ANO1: variants seen among roughly 807,000 people sequenced by gnomAD.
ANO1 encodes the protein anoctamin-1.
In ANO1, 59 loss-of-function variants were observed where a neutral mutation model predicts 124.0. The observed-to-expected ratio is 0.48, with a 90% confidence interval of 0.39 to 0.59. The LOEUF is 0.59. ANO1 is among the 20% of genes least tolerant of loss of function. The pLI is 0.00. For synonymous variants in ANO1, 529 were observed against 532.0 expected, an observed-to-expected ratio of 0.99 and a Z score of 0.08; for missense variants, 1,059 against 1,328.0, an observed-to-expected ratio of 0.80 and a Z score of 3.15.
chr11:70,133,813 C>T (rs1251665212), intron 11 of ANO1, among the ~76,000 whole-genome samples: 1 of 152,182 alleles, frequency 6.6e-6, no homozygotes, highest in African/African-American at 2.4e-5. Context: ...GTGTGCACAG[C>T]AGAGCCGAGG....
At position 70,095,338 on chromosome 11, in the gene ANO1, G is replaced by GAA. The variant is rs1451764874; in HGVS notation, c.441+7255_441+7256insAA. Among the ~76,000 whole-genome samples, 653 of 101,252 alleles carry GAA rather than the reference G, an allele frequency of 6.4e-3. 43 individuals carry two copies. Among genetic ancestry groups the GAA allele is most frequent in the African/African-American group, 0.016 (418 of 25,866 alleles). 66.4% of individuals were successfully genotyped at this position (101,252 alleles called of 152,430 possible). On this transcript the variant is annotated intron_variant, in intron 2 of 25. Coordinates refer to ENST00000355303, the MANE Select transcript of ANO1 (RefSeq NM_018043.7). ...AAAGAAAGGAAAGAAAGAAAGGAAAGAGAAAGAAAAAGAAAGAAAGAAAGA... is the reference window on the plus strand; with the variant it reads ...AAAGAAAGGAAAGAAAGAAAGGAAAGAAAGAAAGAAAAAGAAAGAAAGAAAGA...
chr11:69,989,538 G>A (rs1376415410), intron 1 of ANO1, among the ~76,000 whole-genome samples: 3 of 152,080 alleles, frequency 2.0e-5, no homozygotes, highest in Non-Finnish European at 4.4e-5. Context: ...TATGGAAGGT[G>A]TGGAGCCAGT....
At chr11:69,999,840 G>A (rs977034694) in intron 1 of ANO1, among the ~76,000 whole-genome samples, 2 of 152,286 alleles carry the variant, frequency 1.3e-5, no homozygotes, top group East Asian at 3.9e-4. Context: ...TTTTGTGAAT[G>A]TGGAGGCATT....
intron 6 of ANO1, 148 bp downstream of exon 6, chr11:70,108,552 C>A: frequency 1.1e-6 from 1 of 879,038 alleles, no homozygotes; most frequent in Non-Finnish European, 1.8e-6. Flanking sequence ...GACAAGAGGG[C>A]TGGGTTGGGA....
At chr11:70,030,420 C>A (rs1230167262) in intron 1 of ANO1, among the ~76,000 whole-genome samples, 3 of 152,196 alleles carry the variant, frequency 2.0e-5, no homozygotes, top group African/African-American at 4.8e-5. Context: ...AATGAACACA[C>A]ACTTAGAGGC....
chr11:70,149,880 A>G, intron 12 of ANO1, 88 bp downstream of exon 12: 2 of 1,442,224 alleles, frequency 1.4e-6, no homozygotes, highest in Non-Finnish European at 1.9e-6. Flanking sequence ...CGGAGGCCCG[A>G]GGTCAGAAAG....
At chr11:70,161,779 C>T in intron 18 of ANO1, 46 bp downstream of exon 18, 13 of 1,574,758 alleles carry the variant, frequency 8.3e-6, no homozygotes, top group Non-Finnish European at 1.1e-5. Context: ...CTCCCAGGTC[C>T]AGGAGAGGGC....
intron 1 of ANO1, among the ~76,000 whole-genome samples, chr11:70,050,934 C>T (rs1004243390): frequency 2.0e-5 from 3 of 152,212 alleles, no homozygotes; most frequent in African/African-American, 7.2e-5. Context: ...TGATGCATGG[C>T]TGACCACCAG....
At chr11:70,119,713 C>A (rs184567938) in intron 8 of ANO1, among the ~76,000 whole-genome samples, 3 of 148,922 alleles carry the variant, frequency 2.0e-5, no homozygotes, top group African/African-American at 5.0e-5. Flanking sequence ...AGATGGATGC[C>A]GGAGGGATGA....
At chr11:70,101,380 AC>A (rs1297379896) in intron 2 of ANO1, among the ~76,000 whole-genome samples, 1 of 151,630 alleles carries the variant, frequency 6.6e-6, no homozygotes, top group African/African-American at 2.4e-5. Flanking sequence ...ACATGGTGAA[AC>A]CCCGTCTCTA....
chr11:69,984,699 G>A (rs1350851098), upstream of ANO1, among the ~76,000 whole-genome samples: 1 of 152,100 alleles, frequency 6.6e-6, no homozygotes, highest in African/African-American at 2.4e-5. Flanking sequence ...AGGGGTAGCC[G>A]GGTCTGTCTC....
intron 18 of ANO1, among the ~76,000 whole-genome samples, chr11:70,162,391 C>T (rs2048087377): frequency 6.6e-6 from 1 of 152,144 alleles, no homozygotes; most frequent in African/African-American, 2.4e-5. Context: ...CCCCAGAAGC[C>T]AGCTCCAGGT....
At chr11:69,966,678 G>T in the ANO1 span, among the ~76,000 whole-genome samples, 1 of 152,136 alleles carries the variant, frequency 6.6e-6, no homozygotes, top group Non-Finnish European at 1.5e-5. Context: ...GGGGTGAGAG[G>T]CAGGGGACAA....
rs2135756448 is a variant in ANO1 at position 70,169,893 on chromosome 11, C to T, written c.2198-994C>T. On this transcript the variant is annotated intron_variant, in intron 21 of 25. Coordinates refer to ENST00000355303, the MANE Select transcript of ANO1 (RefSeq NM_018043.7). Reference sequence around the variant, plus strand: ...TGTTTACCGCCTGGCACCAAACGCCCTTGGACTGGGTCCTGCTGTGCAGTT... The same window carrying T: ...TGTTTACCGCCTGGCACCAAACGCCTTTGGACTGGGTCCTGCTGTGCAGTT... 1.1e-5 allele frequency: 3 copies of T among 272,144 alleles called. No homozygotes were observed. The Admixed American group carries it at 1.5e-4, about 14-fold the overall frequency. The allele number at this position is 272,144 out of a possible 1,614,324, so 16.9% of individuals were successfully genotyped here.
In ANO1 at chr11:70,088,016, C is replaced by A. The variant is rs752257777; in HGVS notation, c.373C>A (p.Arg125Ser). 2 of 1,536,730 alleles carry A rather than the reference C, an allele frequency of 1.3e-6. No individual in the cohort carries two copies. Among genetic ancestry groups the A allele is most frequent in the South Asian group, 1.3e-5 (1 of 78,750 alleles). Residue 125 changes from arginine (R) to serine (S), a missense_variant, in exon 2 of 26, where the codon CGC (arginine) becomes AGC (serine). Physicochemically the swap from Arg to Ser is moderately radical, Grantham distance 110. Coordinates refer to ENST00000355303, the MANE Select transcript of ANO1 (RefSeq NM_018043.7). The part of the protein sequence containing the change: ...PPMDYHEDDK[R>S]FRREEYEGNL... ...GATGGACTACCACGAGGATGACAAG[C>A]GCTTCCGCAGGGAGGAGTACGAGGG...
chr11:69,969,732 A>T, the ANO1 span, among the ~76,000 whole-genome samples: 160 of 152,276 alleles, frequency 1.1e-3, no homozygotes, highest in African/African-American at 3.5e-3. Flanking sequence ...GTGGATCACA[A>T]GGTCAGGAGT....
chr11:70,065,158 AG>A (rs1405820935), intron 1 of ANO1: 1 of 152,150 alleles, frequency 6.6e-6, no homozygotes, highest in Non-Finnish European at 1.5e-5. Context: ...TTTCTTATGA[AG>A]GAGCAATCCT....
At chr11:70,174,311 G>T (rs191451428) in intron 22 of ANO1, among the ~76,000 whole-genome samples, 2,085 of 150,938 alleles carry the variant, frequency 0.014, 20 homozygotes, top group Non-Finnish European at 0.019. Context: ...CAGGAGAATC[G>T]CATGAACCCG....
intron 1 of ANO1, chr11:70,015,924 A>G (rs2134983134): frequency 1.3e-5 from 2 of 152,506 alleles, no homozygotes; most frequent in South Asian, 4.1e-4. Context: ...TCCCGGACAC[A>G]CTATCCTGCC....
Sources: allele counts gnomAD v4.1 joint callset (sites outside exome capture counted in the v4.1 genomes callset), GRCh38; gene constraint gnomAD v4.1.1; transcripts MANE v1.5; gene names NCBI Gene and HGNC (gene_info 2026-07-23, HGNC 2026-07-21).